NRG3: variants seen among roughly 807,000 people sequenced by gnomAD.
NRG3 encodes pro-neuregulin-3, membrane-bound isoform.
Under a neutral mutation model 66.9 loss-of-function variants are expected in NRG3, and 31 were observed. That is an observed-to-expected ratio of 0.46 (90% CI 0.35 to 0.63). The LOEUF is 0.63. Among genes scored for constraint, NRG3 ranks in the 20% least tolerant of loss-of-function variants. The pLI is 0.00. For synonymous variants in NRG3, 393 were observed against 359.4 expected (o/e 1.09, Z -1.06); for missense variants, 910 against 878.9 (o/e 1.04, Z -0.45).
At chr10:82,024,622 A>C (rs889732320) in intron 1 of NRG3, among the ~76,000 whole-genome samples, 1 of 151,988 alleles carries the variant, frequency 6.6e-6, no homozygotes, top group Non-Finnish European at 1.5e-5. Flanking sequence ...AGGTGTGTAG[A>C]ATGAGCACTA....
intron 1 of NRG3, among the ~76,000 whole-genome samples, chr10:82,143,270 C>A (rs560142290): frequency 6.6e-6 from 1 of 152,222 alleles, no homozygotes; most frequent in Admixed American, 6.5e-5. Flanking sequence ...AGACTAAATG[C>A]ACATAAGTTG....
At chr10:81,976,458 A>G (rs535012581) in intron 1 of NRG3, among the ~76,000 whole-genome samples, 43 of 152,330 alleles carry the variant, frequency 2.8e-4, no homozygotes, top group Non-Finnish European at 4.6e-4. Flanking sequence ...AAGACACTGT[A>G]TACATTTCTA....
intron 2 of NRG3, among the ~76,000 whole-genome samples, chr10:82,432,029 C>T (rs2089842459): frequency 6.6e-6 from 1 of 152,076 alleles, no homozygotes; most frequent in Admixed American, 6.5e-5. Flanking sequence ...ATTTTTTAAA[C>T]ACAAAAAACA....
rs187299787 is a variant in NRG3, at chr10:82,143,315, A to G, written c.824-215424A>G. Among the ~76,000 whole-genome samples the G allele has an allele frequency of 4.6e-4, 70 of 152,262 alleles. 1 individual carries two copies. The highest frequency in any genetic ancestry group is 1.7e-3 in the African/African-American group (70 of 41,564). On this transcript the variant is annotated intron_variant, in intron 1 of 8. Transcript: ENST00000372141. ...AGATGACACAGGGCAGTCACTCAGA[A>G]TTCAGTATACCACTAATGTGCATGT...
At chr10:82,339,238 C>G (rs1441320701) in intron 1 of NRG3, among the ~76,000 whole-genome samples, 1 of 152,136 alleles carries the variant, frequency 6.6e-6, no homozygotes, top group Non-Finnish European at 1.5e-5. Context: ...TTCTTGATTT[C>G]CTGTATTTTT....
chr10:82,233,101 A>G (rs1443393407), intron 1 of NRG3, among the ~76,000 whole-genome samples: 1 of 152,172 alleles, frequency 6.6e-6, no homozygotes, highest in Non-Finnish European at 1.5e-5. Context: ...GCAGTGGCTC[A>G]CGCCTGTAAT....
At chr10:82,210,483 G>T (rs1158680145) in intron 1 of NRG3, among the ~76,000 whole-genome samples, 2 of 152,210 alleles carry the variant, frequency 1.3e-5, no homozygotes, top group Non-Finnish European at 2.9e-5. Context: ...AGGGCAGGGG[G>T]TTGAATGGAG....
chr10:82,142,976 C>T (rs886175607), intron 1 of NRG3, among the ~76,000 whole-genome samples: 2 of 149,700 alleles, frequency 1.3e-5, no homozygotes, highest in South Asian at 4.3e-4. Flanking sequence ...ACTATATTTC[C>T]CAGGCTGATC....
chr10:82,850,323 A>G (rs1053974022), intron 3 of NRG3, among the ~76,000 whole-genome samples: 7 of 152,152 alleles, frequency 4.6e-5, no homozygotes, highest in African/African-American at 7.2e-5. Context: ...CCTCCCACTC[A>G]TGTCTTTGAT....
At chr10:82,335,807 A>G (rs565720602) in intron 1 of NRG3, among the ~76,000 whole-genome samples, 238 of 152,344 alleles carry the variant, frequency 1.6e-3, no homozygotes, top group Non-Finnish European at 1.6e-3. Context: ...TATTTTTTGA[A>G]ACATATCACA....
chr10:82,713,216 T>A (rs546811570), intron 2 of NRG3, among the ~76,000 whole-genome samples: 3 of 150,638 alleles, frequency 2.0e-5, no homozygotes, highest in Non-Finnish European at 4.4e-5. Context: ...TCGTAAGCAC[T>A]CTGTCTTCCA....
intron 2 of NRG3, among the ~76,000 whole-genome samples, chr10:82,602,043 A>G (rs1485184861): frequency 1.3e-5 from 2 of 151,488 alleles, no homozygotes; most frequent in African/African-American, 2.4e-5. Context: ...TGATCATGCC[A>G]CTGCACTCCA....
chr10:82,350,174 T>G (rs2083341972), intron 1 of NRG3, among the ~76,000 whole-genome samples: 1 of 152,230 alleles, frequency 6.6e-6, no homozygotes, highest in African/African-American at 2.4e-5. Context: ...CACAAAAGTA[T>G]AGATATGTTT....
At chr10:82,929,601 C>A (rs762611233) in intron 4 of NRG3, among the ~76,000 whole-genome samples, 71 of 152,130 alleles carry the variant, frequency 4.7e-4, no homozygotes, top group Middle Eastern at 3.4e-3. Context: ...TTGATTCCAA[C>A]AGAAATGTGC....
intron 2 of NRG3, among the ~76,000 whole-genome samples, chr10:82,521,390 C>G (rs570296255): frequency 2.6e-5 from 4 of 151,908 alleles, no homozygotes; most frequent in Admixed American, 6.6e-5. Context: ...GCCCAGGCTG[C>G]AGTGCAGTGG....
intron 4 of NRG3, among the ~76,000 whole-genome samples, chr10:82,917,464 G>A (rs534790772): frequency 5.3e-4 from 80 of 152,286 alleles, no homozygotes; most frequent in Admixed American, 2.4e-3. Flanking sequence ...TGCAGAGCCT[G>A]GTGTGCATTA....
chr10:82,505,506 AG>A (rs1190469510), intron 2 of NRG3, among the ~76,000 whole-genome samples: 3 of 152,254 alleles, frequency 2.0e-5, no homozygotes, highest in Non-Finnish European at 2.9e-5. Flanking sequence ...ATTGGGCCAC[AG>A]GAAGTCTCAG....
intron 1 of NRG3, among the ~76,000 whole-genome samples, chr10:82,238,875 GT>G (rs2076872936): frequency 8.7e-6 from 1 of 114,624 alleles, no homozygotes; most frequent in African/African-American, 3.2e-5. Context: ...AAAGGCCTAT[GT>G]CACTTATTTT....
intron 1 of NRG3, among the ~76,000 whole-genome samples, chr10:82,169,590 G>A (rs527915162): frequency 6.6e-6 from 1 of 151,320 alleles, no homozygotes; most frequent in South Asian, 2.1e-4. Flanking sequence ...ACTACTTCCA[G>A]TGTAAATTTT....
Sources: gnomAD v4.1 joint callset for allele counts (sites outside exome capture counted in the v4.1 genomes callset) on GRCh38, gnomAD v4.1.1 for gene constraint, MANE v1.5 for transcripts, NCBI Gene and HGNC (gene_info 2026-07-23, HGNC 2026-07-21) for gene names.